Variants in TENM2 observed in about 807,000 individuals in gnomAD.
TENM2 encodes teneurin-2.
A neutral mutation model predicts 245.2 loss-of-function variants in TENM2; 52 were observed. That is an observed-to-expected ratio of 0.21 (90% confidence interval 0.17 to 0.27). TENM2 has a LOEUF of 0.27. TENM2 is among the 10% of genes least tolerant of loss of function. The pLI, the probability that TENM2 is intolerant of heterozygous loss-of-function variation, is 1.00. For synonymous variants in TENM2, 1,363 were observed against 1,438.9 expected, an observed-to-expected ratio of 0.95 and a Z score of 1.19; for missense variants, 3,046 against 3,666.8, an observed-to-expected ratio of 0.83 and a Z score of 4.37.
At chr5:168,111,804 A>C (rs1332791639) in intron 9 of TENM2, among the ~76,000 whole-genome samples, 1 of 152,160 alleles carries the variant, frequency 6.6e-6, no homozygotes, top group East Asian at 1.9e-4. Context: ...TAAGCCAAAA[A>C]TATTTCTCAT....
At chr5:168,179,689 C>T (rs1759683228) in intron 13 of TENM2, among the ~76,000 whole-genome samples, 1 of 152,166 alleles carries the variant, frequency 6.6e-6, no homozygotes, top group Admixed American at 6.5e-5. Context: ...CAGAGTGCAG[C>T]AAACAGGGTC....
intron 2 of TENM2, among the ~76,000 whole-genome samples, chr5:167,384,787 G>T (rs762552588): frequency 6.6e-6 from 1 of 152,198 alleles, no homozygotes; most frequent in African/African-American, 2.4e-5. Context: ...CAGTAGTCCA[G>T]GTAGAAGGAC....
At chr5:167,127,660 C>T in the TENM2 span, among the ~76,000 whole-genome samples, 1 of 146,360 alleles carries the variant, frequency 6.8e-6, no homozygotes, top group African/African-American at 2.5e-5. Flanking sequence ...AAAAAAAAAG[C>T]CACTAATGAA....
the TENM2 span, among the ~76,000 whole-genome samples, chr5:166,979,235 A>C: frequency 5.0e-4 from 71 of 142,948 alleles, no homozygotes; most frequent in African/African-American, 1.0e-3. Flanking sequence ...CAGCAGCAGC[A>C]GCCGCCGCGG....
At chr5:168,056,359 C>G (rs186133868) in intron 6 of TENM2, among the ~76,000 whole-genome samples, 2 of 152,298 alleles carry the variant, frequency 1.3e-5, no homozygotes, top group East Asian at 3.8e-4. Flanking sequence ...GTTATACACA[C>G]TCATTTTCAA....
chr5:167,871,778 G>A (rs1772848889), intron 2 of TENM2, among the ~76,000 whole-genome samples: 1 of 152,054 alleles, frequency 6.6e-6, no homozygotes, highest in Non-Finnish European at 1.5e-5. Context: ...ACATAAAGTG[G>A]GAACAAGGTG....
chr5:167,104,984 G>C, the TENM2 span, among the ~76,000 whole-genome samples: 2 of 152,198 alleles, frequency 1.3e-5, no homozygotes, highest in Non-Finnish European at 2.9e-5. Flanking sequence ...AATGCATTTA[G>C]TCTCCAGAAT....
At position 167,683,260 on chromosome 5, in the gene TENM2, TCCCC is replaced by T. The variant is rs113505215; in HGVS notation, c.503-192722_503-192719del. ...ATGAAGGACCATGTCTTTTTTTTTTTCCCCCCCTGGGCATCAGAAATAAAAAGTC... is the reference window on the plus strand; with the variant it reads ...ATGAAGGACCATGTCTTTTTTTTTTTCCCTGGGCATCAGAAATAAAAAGTC... On this transcript the variant is annotated intron_variant, in intron 2 of 28. Transcript: ENST00000518659. 2.4e-4 allele frequency among the ~76,000 whole-genome samples: 36 copies of T among 147,862 alleles called. 1 individual carries two copies. Among genetic ancestry groups the T allele is most frequent in the African/African-American group, 4.4e-4 (18 of 40,542 alleles).
chr5:167,025,170 T>C, the TENM2 span, among the ~76,000 whole-genome samples: 1 of 152,164 alleles, frequency 6.6e-6, no homozygotes, highest in Non-Finnish European at 1.5e-5. Context: ...ATGAAATAGG[T>C]AAAGTTAATT....
chr5:167,020,897 C>T, the TENM2 span, among the ~76,000 whole-genome samples: 1 of 152,182 alleles, frequency 6.6e-6, no homozygotes, highest in Non-Finnish European at 1.5e-5. Context: ...TAATACCTGG[C>T]CTTTGGGAGG....
chr5:168,090,515 A>C, intron 7 of TENM2, 59 bp from the exon 10 acceptor site: 1 of 1,458,280 alleles, frequency 6.9e-7, no homozygotes, highest in Admixed American at 2.0e-5. Context: ...GGAAGGTACC[A>C]GGTATGGGAC....
rs142278544 is a variant in TENM2 at position 167,457,424 on chromosome 5, C to T, written c.502+81951C>T. Among the ~76,000 whole-genome samples, 417 of 152,076 alleles carry T rather than the reference C, an allele frequency of 2.7e-3. 2 individuals carry two copies. Among genetic ancestry groups the T allele is most frequent in the Non-Finnish European group, 4.4e-3 (298 of 68,014 alleles). ...CTCAGCTCACCGCAACCTCCACCTC[C>T]CGGGTTCAAGCGATTCTCCTGCCTT... On this transcript the variant is annotated intron_variant, in intron 2 of 28. Coordinates refer to ENST00000518659, the Ensembl canonical transcript of TENM2.
intron 2 of TENM2, among the ~76,000 whole-genome samples, chr5:167,837,740 A>G (rs1647041969): frequency 6.6e-6 from 1 of 152,076 alleles, no homozygotes; most frequent in Non-Finnish European, 1.5e-5. Flanking sequence ...GTAGGTGTTC[A>G]GTGCCAAAGA....
At chr5:167,637,983 A>G (rs1779313941) in intron 2 of TENM2, among the ~76,000 whole-genome samples, 1 of 151,990 alleles carries the variant, frequency 6.6e-6, no homozygotes, top group Admixed American at 6.6e-5. Flanking sequence ...GTAAAAAAAA[A>G]AAAATATTAG....
At chr5:167,625,346 T>C (rs2127779086) in intron 2 of TENM2, among the ~76,000 whole-genome samples, 1 of 152,324 alleles carries the variant, frequency 6.6e-6, no homozygotes, top group South Asian at 2.1e-4. Context: ...TCTCCCCTAC[T>C]ATTCAGATTT....
intron 2 of TENM2, among the ~76,000 whole-genome samples, chr5:167,485,092 C>T (rs371882948): frequency 3.9e-5 from 6 of 152,134 alleles, no homozygotes; most frequent in South Asian, 2.1e-4. Context: ...GGGTTGAGGT[C>T]TTCATCCAGC....
At position 168,122,215 on chromosome 5, in the gene TENM2, C is replaced by T. The variant is rs564554906; in HGVS notation, c.2009-2635C>T. ...TTTTTGAGACGGAGTCTCGCTCTGT[C>T]ACCCAGGCTGGGGTGCAGTGGCGCA... On this transcript the variant is annotated intron_variant, in intron 10 of 28. Coordinates refer to ENST00000518659, the Ensembl canonical transcript of TENM2. 3.2e-4 allele frequency among the ~76,000 whole-genome samples: 49 copies of T among 152,334 alleles called. No homozygotes were observed. In the East Asian group the frequency reaches 8.7e-3, roughly 27 times the overall value.
At chr5:167,203,906 A>G in the TENM2 span, among the ~76,000 whole-genome samples, 1 of 152,308 alleles carries the variant, frequency 6.6e-6, no homozygotes, top group East Asian at 1.9e-4. Context: ...GAAGAGGAAA[A>G]TAGCAGGATG....
chr5:168,232,230 G>A (rs551597754), intron 25 of TENM2: 1 of 152,430 alleles, frequency 6.6e-6, no homozygotes, highest in East Asian at 1.9e-4. Context: ...GAAGGTAGGG[G>A]GAGAGATTTG....
Sources: gnomAD v4.1 joint callset for allele counts (sites outside exome capture counted in the v4.1 genomes callset) on GRCh38, gnomAD v4.1.1 for gene constraint, MANE v1.5 for transcripts, NCBI Gene and HGNC (gene_info 2026-07-23, HGNC 2026-07-21) for gene names.